The following M1AP variants were observed in gnomAD, a reference collection of about 807,000 sequenced individuals.
M1AP encodes the protein meiosis 1 associated protein.
Under a neutral mutation model 51.2 loss-of-function variants are expected in M1AP, and 39 were observed. That is an observed-to-expected ratio of 0.76 (90% CI 0.59 to 1.00). The LOEUF (loss-of-function observed/expected upper bound fraction) is 1.00, where lower values mean the gene tolerates loss of function less well. M1AP is among the 50% of genes least tolerant of loss of function. The pLI, the probability that M1AP is intolerant of heterozygous loss-of-function variation, is 0.00. For missense variants in M1AP, 545 were observed against 641.2 expected (o/e 0.85, Z 1.62); for synonymous variants, 251 against 249.2 (o/e 1.01, Z -0.07).
In M1AP at chr2:74,575,549, T is replaced by G. The variant is rs144517996; in HGVS notation, c.963A>C (p.Ser321=). ...KALKSSGLCE[S]LTYGLPFILR... Reference sequence around the variant, plus strand: ...GGATGAACGGGAGTCCATATGTCAATGACTCGCAGAGCCCGCTAGATTTTA... The same window carrying G: ...GGATGAACGGGAGTCCATATGTCAAGGACTCGCAGAGCCCGCTAGATTTTA... Residue 321 remains serine (S), a synonymous_variant, in exon 7 of 11, where the codon TCA becomes TCC. Transcript: ENST00000421985. 1.8e-4 allele frequency: 289 copies of G among 1,614,170 alleles called. 3 individuals are homozygous for G. In the African/African-American group the frequency reaches 3.5e-3, roughly 19 times the overall value.
chr2:74,578,029 A>G (rs761393987), intron 5 of M1AP, among the ~76,000 whole-genome samples: 6 of 152,164 alleles, frequency 3.9e-5, no homozygotes, highest in Non-Finnish European at 7.4e-5. Context: ...TTGCATGTGT[A>G]GTTCACAATA....
chr2:74,648,129 C>G lies in M1AP; in HGVS notation c.-53+136G>C, dbSNP rs1041131181. The stretch of plus-strand genomic sequence containing the variant: ...GCCTCTCTCGGCGTCAGTCTTGCGC[C>G]GGCACCCGCCACGGCCAGCGCAACC... On this transcript the variant is annotated intron_variant, in intron 1 of 10. Transcript: ENST00000421985. 4.1e-6 allele frequency: 4 copies of G among 976,156 alleles called. No homozygotes were observed. In the African/African-American group the frequency reaches 7.0e-5, roughly 17 times the overall value. 60.5% of individuals were successfully genotyped at this position (976,156 alleles called of 1,614,324 possible). A position where few individuals can be genotyped will look rare whatever the true frequency, so the allele number is the denominator to read the frequency against.
At chr2:74,645,088 C>T (rs552414073) in intron 1 of M1AP, among the ~76,000 whole-genome samples, 12 of 152,214 alleles carry the variant, frequency 7.9e-5, no homozygotes, top group Non-Finnish European at 1.5e-4. Context: ...TAATACTCAC[C>T]GTGAAGGTCT....
In M1AP at chr2:74,581,763, A is replaced by G. The variant is rs758157421; in HGVS notation, c.680T>C (p.Leu227Pro). 1 of 1,614,112 alleles carries G rather than the reference A, an allele frequency of 6.2e-7. No homozygotes were observed. The highest frequency in any genetic ancestry group is 1.1e-5 in the South Asian group (1 of 91,082). The stretch of plus-strand genomic sequence containing the variant: ...TTCTTGGTCTGTTCCACTGTTATGT[A>G]GCCAGGCTTTGAAGAAAATCTCCAT... The part of the protein sequence containing the change: ...VSMEIFFKAW[L>P]HNSGTDQEQI... The change falls in exon 5 of 11, where the codon CTA (leucine) becomes CCA (proline). Residue 227 changes from leucine to proline, a missense_variant. Leu to Pro is a moderately conservative substitution (Grantham distance 98). Transcript: ENST00000421985.
At chr2:74,563,507 G>A (rs1457172342) in intron 7 of M1AP, among the ~76,000 whole-genome samples, 1 of 151,642 alleles carries the variant, frequency 6.6e-6, no homozygotes, top group East Asian at 1.9e-4. Flanking sequence ...GCTGAGATAG[G>A]AGAATTGCTT....
At chr2:74,567,188 A>G (rs1254175097) in intron 7 of M1AP, among the ~76,000 whole-genome samples, 2 of 152,252 alleles carry the variant, frequency 1.3e-5, no homozygotes, top group Non-Finnish European at 1.5e-5. Context: ...CCAGTTTAGA[A>G]AAATGGAACA....
chr2:74,612,145 C>T (rs2104725917), intron 3 of M1AP, among the ~76,000 whole-genome samples: 1 of 151,966 alleles, frequency 6.6e-6, no homozygotes, highest in Non-Finnish European at 1.5e-5. Flanking sequence ...CCCGCCTGGG[C>T]CTCCCAAAGT....
At chr2:74,588,322 C>A (rs746037108) in intron 4 of M1AP, among the ~76,000 whole-genome samples, 4 of 152,116 alleles carry the variant, frequency 2.6e-5, no homozygotes, top group Non-Finnish European at 5.9e-5. Flanking sequence ...GCTCTATGAC[C>A]CCAAAAAGGT....
intron 4 of M1AP, among the ~76,000 whole-genome samples, chr2:74,595,384 C>T (rs984362607): frequency 1.3e-5 from 2 of 152,092 alleles, no homozygotes; most frequent in Admixed American, 6.5e-5. Context: ...CAGGGTCTCA[C>T]TCTGTCACCC....
intron 8 of M1AP, among the ~76,000 whole-genome samples, chr2:74,561,115 G>A (rs1573052678): frequency 1.5e-5 from 2 of 131,054 alleles, no homozygotes; most frequent in African/African-American, 2.9e-5. Context: ...GGAGGAGAAG[G>A]AGGAGGAGGA....
At chr2:74,596,645 CAT>C (rs1371329876) in intron 4 of M1AP, among the ~76,000 whole-genome samples, 1 of 152,118 alleles carries the variant, frequency 6.6e-6, no homozygotes, top group Non-Finnish European at 1.5e-5. Flanking sequence ...TAAATGAAAA[CAT>C]ATATCCACAC....
chr2:74,606,726 G>A (rs1008311529), intron 4 of M1AP, among the ~76,000 whole-genome samples: 6 of 151,964 alleles, frequency 3.9e-5, no homozygotes, highest in Non-Finnish European at 7.4e-5. Context: ...AGGATATATT[G>A]TTTCTGAAAT....
At chr2:74,599,953 G>A (rs546900343) in intron 4 of M1AP, among the ~76,000 whole-genome samples, 1 of 151,936 alleles carries the variant, frequency 6.6e-6, no homozygotes, top group Admixed American at 6.6e-5. Flanking sequence ...TCCTCAGCGT[G>A]CCTAAACTTT....
intron 8 of M1AP, chr2:74,561,770 C>T (rs1284038075): frequency 2.1e-6 from 1 of 468,938 alleles, no homozygotes; most frequent in African/African-American, 2.1e-5. Context: ...CAGTGCATCC[C>T]CAGGAGCTGG....
chr2:74,562,406 C>G lies in M1AP; in HGVS notation c.1092G>C (p.Leu364=), dbSNP rs1253760083. 1.9e-6 allele frequency: 3 copies of G among 1,614,194 alleles called. No individual in the cohort carries two copies. The highest frequency in any genetic ancestry group is 1.6e-4 in the Middle Eastern group (1 of 6,062). The part of the protein sequence containing the change: ...CHSLLKREWL[L]LAKGEPPGPG... ...GGCCCGGTGGTTCCCCCTTGGCTAA[C>G]AGCAGCCATTCCCTTTTCTGAAACA... The change falls in exon 8 of 11, where the codon CTG becomes CTC. Residue 364 remains leucine, a synonymous_variant. Coordinates refer to ENST00000421985, the MANE Select transcript of M1AP (RefSeq NM_001321739.2).
chr2:74,624,376 G>A (rs1365600387), intron 2 of M1AP, among the ~76,000 whole-genome samples: 1 of 152,200 alleles, frequency 6.6e-6, no homozygotes, highest in Non-Finnish European at 1.5e-5. Context: ...GCCTTGGCTT[G>A]ACAAAATCTT....
At chr2:74,577,580 G>A (rs1457300769) in intron 5 of M1AP, among the ~76,000 whole-genome samples, 1 of 152,212 alleles carries the variant, frequency 6.6e-6, no homozygotes, top group African/African-American at 2.4e-5. Flanking sequence ...AAATAGAGTG[G>A]CAGAACAGAT....
chr2:74,603,824 C>T (rs1680811163), intron 4 of M1AP, among the ~76,000 whole-genome samples: 1 of 152,134 alleles, frequency 6.6e-6, no homozygotes, highest in South Asian at 2.1e-4. Context: ...AGTAACCAAC[C>T]CTCCCTCCTA....
intron 2 of M1AP, among the ~76,000 whole-genome samples, chr2:74,637,578 T>C: frequency 6.6e-6 from 1 of 152,226 alleles, no homozygotes. Flanking sequence ...GATAGTTAAG[T>C]TACCTGGAAA....
Sources: gnomAD v4.1 joint callset for allele counts (sites outside exome capture counted in the v4.1 genomes callset) on GRCh38, gnomAD v4.1.1 for gene constraint, MANE v1.5 for transcripts, NCBI Gene and HGNC (gene_info 2026-07-23, HGNC 2026-07-21) for gene names.